CELF2: variants seen among roughly 807,000 people sequenced by gnomAD.
CELF2 encodes CUGBP Elav-like family member 2.
A neutral mutation model predicts 62.6 loss-of-function variants in CELF2; 8 were observed. The ratio of observed to expected loss-of-function variants is 0.13; its 90% CI spans 0.07 to 0.23. The LOEUF (loss-of-function observed/expected upper bound fraction) is 0.23, where lower values mean the gene tolerates loss of function less well. Among genes scored for constraint, CELF2 ranks in the 10% least tolerant of loss-of-function variants. CELF2 has a pLI of 1.00. For missense variants in CELF2, 333 were observed against 671.0 expected, an observed-to-expected ratio of 0.50 and a Z score of 5.56; for synonymous variants, 258 against 250.0, an observed-to-expected ratio of 1.03 and a Z score of -0.30.
At chr10:10,908,588 A>C (rs1039836151) in intron 1 of CELF2, among the ~76,000 whole-genome samples, 9 of 152,300 alleles carry the variant, frequency 5.9e-5, no homozygotes, top group African/African-American at 2.2e-4. Context: ...TATCTTCAGG[A>C]GAAAGAAGCA....
intron 1 of CELF2, among the ~76,000 whole-genome samples, chr10:10,814,849 G>T (rs1030050871): frequency 6.6e-6 from 1 of 152,158 alleles, no homozygotes; most frequent in South Asian, 2.1e-4. Flanking sequence ...TCGAATTTTG[G>T]TGAGGCTTTC....
At chr10:10,994,148 T>C (rs2053706608) in intron 2 of CELF2, among the ~76,000 whole-genome samples, 1 of 152,200 alleles carries the variant, frequency 6.6e-6, no homozygotes, top group African/African-American at 2.4e-5. Context: ...AGGACTAGAG[T>C]TGTCATTGGT....
chr10:10,699,852 G>A, the CELF2 span, among the ~76,000 whole-genome samples: 1 of 152,174 alleles, frequency 6.6e-6, no homozygotes, highest in Non-Finnish European at 1.5e-5. Flanking sequence ...GTCTCTGGTG[G>A]CCTATTGTGA....
At chr10:11,057,749 C>A (rs755659792) in intron 1 of CELF2, among the ~76,000 whole-genome samples, 9 of 152,134 alleles carry the variant, frequency 5.9e-5, no homozygotes, top group Non-Finnish European at 1.3e-4. Context: ...ACAGGAGTCA[C>A]AAAATGTTTT....
At chr10:10,775,470 A>C in the CELF2 span, among the ~76,000 whole-genome samples, 9 of 152,152 alleles carry the variant, frequency 5.9e-5, no homozygotes, top group African/African-American at 2.2e-4. Flanking sequence ...TCTCTACTAA[A>C]ACTACAAAAA....
In CELF2 at chr10:11,257,815, C is replaced by T. The variant is rs766025296; in HGVS notation, c.481C>T (p.Pro161Ser). The change falls in exon 5 of 13, where the codon CCA becomes TCA. Residue 161 changes from proline to serine, a missense_variant. Pro to Ser is a moderately conservative substitution (Grantham distance 74). Transcript: ENST00000633077. ...NENDIRVMFS[P>S]FGQIEECRIL... The stretch of plus-strand genomic sequence containing the variant: ...GAACGACATCAGGGTGATGTTCTCT[C>T]CATTTGGCCAGATAGAAGAATGCCG... The T allele has an allele frequency of 9.8e-5, 158 of 1,613,990 alleles. No individual in the cohort carries two copies. Among genetic ancestry groups the T allele is most frequent in the Non-Finnish European group, 1.3e-4 (152 of 1,180,002 alleles).
intron 2 of CELF2, among the ~76,000 whole-genome samples, chr10:10,921,094 A>G (rs1441467553): frequency 1.3e-5 from 2 of 151,782 alleles, no homozygotes; most frequent in Non-Finnish European, 2.9e-5. Flanking sequence ...AGCTGGGATT[A>G]CAGGAGACTG....
At chr10:11,251,270 A>ATTTTTTTTTTTTT (rs66615560) in intron 4 of CELF2, among the ~76,000 whole-genome samples, 5 of 63,300 alleles carry the variant, frequency 7.9e-5, no homozygotes, top group Non-Finnish European at 1.1e-4. Context: ...ACACAAAGGG[A>ATTTTTTTTTTTTT]TTTTTTTTTT....
Position 11,103,159 on chromosome 10 carries a change from C to T in CELF2, c.75-62327C>T, listed in dbSNP as rs539414260. Among the ~76,000 whole-genome samples, 12 of 152,298 alleles carry T rather than the reference C, an allele frequency of 7.9e-5. No individual in the cohort carries two copies. In the South Asian group the frequency reaches 2.5e-3, roughly 32 times the overall value. On this transcript the variant is annotated intron_variant, in intron 1 of 12. Coordinates refer to ENST00000633077, the MANE Select transcript of CELF2 (RefSeq NM_001326342.2). ...TGTTGAGTGACTTCTGTACATTCTT[C>T]ACCCCAGCTAGTCACCCATTTATCA...
chr10:11,000,817 G>A (rs531208014), upstream of CELF2, among the ~76,000 whole-genome samples: 60 of 152,240 alleles, frequency 3.9e-4, no homozygotes, highest in African/African-American at 1.3e-3. Context: ...TTTCCCCCAC[G>A]AGGCAGAGCA....
intron 2 of CELF2, among the ~76,000 whole-genome samples, chr10:10,976,537 A>G (rs1229065413): frequency 6.6e-6 from 1 of 152,050 alleles, no homozygotes; most frequent in Non-Finnish European, 1.5e-5. Context: ...TCAGAGGGAA[A>G]ACCTGAAGAT....
chr10:10,764,747 A>G, the CELF2 span, among the ~76,000 whole-genome samples: 3 of 152,210 alleles, frequency 2.0e-5, no homozygotes, highest in South Asian at 6.2e-4. Flanking sequence ...CCAATATTTG[A>G]CAACTGGAAG....
At chr10:11,125,722 C>T (rs2058573055) in intron 1 of CELF2, among the ~76,000 whole-genome samples, 1 of 152,212 alleles carries the variant, frequency 6.6e-6, no homozygotes, top group South Asian at 2.1e-4. Flanking sequence ...TGTCCACTTA[C>T]TTTGTCACTA....
In CELF2 at chr10:11,197,025, A is replaced by AGAGAGAGAGAGAGAGAGAGAGAGAGAGAG. The variant is rs1554936317; in HGVS notation, c.272-20400_272-20399insGAGAGAGAGAGAGAGAGAGAGAGAGAGAG. 5.0e-4 allele frequency among the ~76,000 whole-genome samples: 13 copies of AGAGAGAGAGAGAGAGAGAGAGAGAGAGAG among 26,130 alleles called. 1 individual carries two copies. Among genetic ancestry groups the AGAGAGAGAGAGAGAGAGAGAGAGAGAGAG allele is most frequent in the African/African-American group, 1.9e-3 (11 of 5,644 alleles). The allele number at this position is 26,130 out of a possible 152,430, so 17.1% of individuals were successfully genotyped here. ...AGGAGAAAGAAAGAAAGAAAGAAAG[A>AGAGAGAGAGAGAGAGAGAGAGAGAGAGAG]AAAGAAAGAAAGAAAGAAAGAAAGA... is the stretch of plus-strand genomic sequence containing the variant. On this transcript the variant is annotated intron_variant, in intron 2 of 12. Coordinates refer to ENST00000633077, the MANE Select transcript of CELF2 (RefSeq NM_001326342.2).
chr10:10,999,952 C>T (rs1184688160), intron 2 of CELF2, among the ~76,000 whole-genome samples: 1 of 152,192 alleles, frequency 6.6e-6, no homozygotes, highest in South Asian at 2.1e-4. Flanking sequence ...GCCTTTGCCT[C>T]CTCTAAAAAT....
At chr10:11,249,809 G>T (rs1299553331) in intron 4 of CELF2, among the ~76,000 whole-genome samples, 1 of 152,228 alleles carries the variant, frequency 6.6e-6, no homozygotes, top group East Asian at 1.9e-4. Flanking sequence ...CGAGACATGA[G>T]AGAGTTGATA....
chr10:10,617,813 G>A, the CELF2 span, among the ~76,000 whole-genome samples: 1 of 152,084 alleles, frequency 6.6e-6, no homozygotes, highest in Non-Finnish European at 1.5e-5. Flanking sequence ...CCATGCACCA[G>A]AGTATGGAGG....
chr10:10,700,906 T>A, the CELF2 span, among the ~76,000 whole-genome samples: 1 of 152,088 alleles, frequency 6.6e-6, no homozygotes, highest in African/African-American at 2.4e-5. Flanking sequence ...CACATAAGAG[T>A]TTAAGGGAGA....
chr10:10,830,396 A>T (rs1385985983), intron 1 of CELF2, among the ~76,000 whole-genome samples: 1 of 152,110 alleles, frequency 6.6e-6, no homozygotes, highest in Admixed American at 6.5e-5. Context: ...GCTATTTTAT[A>T]GCAAGTCTTT....
Sources: gnomAD v4.1 joint callset for allele counts (sites outside exome capture counted in the v4.1 genomes callset) on GRCh38, gnomAD v4.1.1 for gene constraint, MANE v1.5 for transcripts, NCBI Gene and HGNC (gene_info 2026-07-23, HGNC 2026-07-21) for gene names.